The following IGSF21 variants were observed in gnomAD, a reference collection of about 807,000 sequenced individuals.
IGSF21 encodes the protein immunoglobulin superfamily member 21.
Under a neutral mutation model 46.8 loss-of-function variants are expected in IGSF21, and 28 were observed. The observed-to-expected ratio is 0.60, with a 90% CI of 0.44 to 0.82. The LOEUF (loss-of-function observed/expected upper bound fraction) is 0.82, where lower values mean the gene tolerates loss of function less well. Ranked by LOEUF, IGSF21 falls within the 40% of genes least tolerant of loss-of-function variation. The probability of loss-of-function intolerance (pLI) is 0.00; values close to 1 mark genes in which losing one functional copy is unlikely to be tolerated. For missense variants in IGSF21, 624 were observed against 665.5 expected, an observed-to-expected ratio of 0.94 and a Z score of 0.69; for synonymous variants, 284 against 273.6, an observed-to-expected ratio of 1.04 and a Z score of -0.38.
At chr1:18,260,464 G>T (rs75916138) in intron 2 of IGSF21, among the ~76,000 whole-genome samples, 1 of 152,142 alleles carries the variant, frequency 6.6e-6, no homozygotes, top group South Asian at 2.1e-4. Context: ...CGCAGCAGCC[G>T]CTGAGGGAAT....
chr1:18,140,605 C>T (rs1239702404), intron 1 of IGSF21, among the ~76,000 whole-genome samples: 1 of 152,202 alleles, frequency 6.6e-6, no homozygotes, highest in Non-Finnish European at 1.5e-5. Flanking sequence ...GCTTCACAGT[C>T]GCGTGTCTGC....
At chr1:18,110,682 C>T (rs944371160) in intron 1 of IGSF21, 2 of 152,386 alleles carry the variant, frequency 1.3e-5, no homozygotes, top group Non-Finnish European at 2.9e-5. Flanking sequence ...TGGCTCCCCA[C>T]TTCCCAGAAT....
At chr1:18,307,316 G>T (rs1342019673) in intron 3 of IGSF21, among the ~76,000 whole-genome samples, 2 of 152,098 alleles carry the variant, frequency 1.3e-5, no homozygotes, top group African/African-American at 4.8e-5. Flanking sequence ...TGGGAGCGAT[G>T]ATATAGCAAG....
chr1:18,209,362 G>T (rs943046177), intron 1 of IGSF21, among the ~76,000 whole-genome samples: 1 of 152,200 alleles, frequency 6.6e-6, no homozygotes, highest in African/African-American at 2.4e-5. Flanking sequence ...TTCTTGGCCT[G>T]TCTCAATGCC....
chr1:18,233,582 G>T (rs1181782999), intron 2 of IGSF21, among the ~76,000 whole-genome samples: 1 of 152,210 alleles, frequency 6.6e-6, no homozygotes, highest in Non-Finnish European at 1.5e-5. Flanking sequence ...GCAACCAAAA[G>T]ACCCCATTGT....
In IGSF21 at chr1:18,322,513, C is replaced by T. The variant is rs563371502; in HGVS notation, c.306-12379C>T. On this transcript the variant is annotated intron_variant, in intron 3 of 9. Coordinates refer to ENST00000251296, the MANE Select transcript of IGSF21 (RefSeq NM_032880.5). The surrounding 1 kb of genome is among the most constrained non-coding windows in gnomAD (Gnocchi z 4.3). The stretch of plus-strand genomic sequence containing the variant: ...ATAGGAAGGAGGCGGCGAGCTCAGC[C>T]ACGGGCCCAGCCTTCCAAGTTTGCT... Among the ~76,000 whole-genome samples the T allele has an allele frequency of 3.9e-5, 6 of 152,262 alleles. No individual in the cohort carries two copies. The South Asian group carries it at 1.2e-3, about 32-fold the overall frequency.
intron 5 of IGSF21, among the ~76,000 whole-genome samples, chr1:18,363,166 C>A (rs1158936973): frequency 6.6e-6 from 1 of 152,212 alleles, no homozygotes; most frequent in African/African-American, 2.4e-5. Context: ...GGGCTACGTA[C>A]CCTTTCAATT....
intron 1 of IGSF21, among the ~76,000 whole-genome samples, chr1:18,146,803 A>G (rs547586270): frequency 6.6e-6 from 1 of 152,168 alleles, no homozygotes; most frequent in African/African-American, 2.4e-5. Context: ...TTCATGTTCT[A>G]TCTTAATTGA....
intron 1 of IGSF21, among the ~76,000 whole-genome samples, chr1:18,152,404 C>T (rs1204792584): frequency 6.6e-6 from 1 of 152,186 alleles, no homozygotes; most frequent in Non-Finnish European, 1.5e-5. Flanking sequence ...CAGAGCAGAT[C>T]CCTTGAGAAG....
At chr1:18,118,746 G>A (rs1181831824) in intron 1 of IGSF21, among the ~76,000 whole-genome samples, 3 of 152,106 alleles carry the variant, frequency 2.0e-5, no homozygotes, top group Non-Finnish European at 4.4e-5. Flanking sequence ...TTGGGAAGGT[G>A]GGGGGAAGAA....
At chr1:18,377,469 A>C (rs773852502) in intron 9 of IGSF21, 38 bp downstream of exon 9, 6 of 1,575,644 alleles carry the variant, frequency 3.8e-6, no homozygotes, top group Middle Eastern at 1.7e-4. Flanking sequence ...CTTAAAAGGG[A>C]GTGGCTTTTG....
chr1:18,290,687 C>G lies in IGSF21; in HGVS notation c.184-1179C>G, dbSNP rs2085256588. Among the ~76,000 whole-genome samples the G allele has an allele frequency of 6.6e-6, 1 of 152,110 alleles. No individual in the cohort carries two copies. The highest frequency in any genetic ancestry group is 2.4e-5 in the African/African-American group (1 of 41,426). On this transcript the variant is annotated intron_variant, in intron 2 of 9. Coordinates refer to ENST00000251296, the MANE Select transcript of IGSF21 (RefSeq NM_032880.5). This position sits in a 1 kb window ranked among gnomAD's most constrained non-coding sequence, Gnocchi z 4.2. ...TGGGTACATATGTGTCCAGAGGAGCCCAGCTGTGTCTAGGGCCAGTACTCC... is the reference window on the plus strand; with the variant it reads ...TGGGTACATATGTGTCCAGAGGAGCGCAGCTGTGTCTAGGGCCAGTACTCC...
At chr1:18,352,407 C>T (rs563798891) in intron 4 of IGSF21, among the ~76,000 whole-genome samples, 1 of 152,232 alleles carries the variant, frequency 6.6e-6, no homozygotes, top group South Asian at 2.1e-4. Context: ...ACTGCCGGAC[C>T]CCACCCCATC....
chr1:18,209,268 T>G (rs2124489063), intron 1 of IGSF21, among the ~76,000 whole-genome samples: 1 of 152,278 alleles, frequency 6.6e-6, no homozygotes, highest in East Asian at 1.9e-4. Flanking sequence ...GGCATTATGA[T>G]TCCTGCTTAA....
chr1:18,273,920 G>A (rs1438480237), intron 2 of IGSF21, among the ~76,000 whole-genome samples: 1 of 152,124 alleles, frequency 6.6e-6, no homozygotes, highest in Non-Finnish European at 1.5e-5. Context: ...TGGCTGAAAT[G>A]CACCTGGCCT....
intron 4 of IGSF21, among the ~76,000 whole-genome samples, chr1:18,359,264 C>T (rs851741): frequency 0.31 from 41,781 of 133,054 alleles, 7,717 homozygotes; most frequent in African/African-American, 0.43. Context: ...GGTAACAGAG[C>T]GAGACCCTGC....
In IGSF21 at chr1:18,365,094, G is replaced by A. The variant is rs1211855555; in HGVS notation, c.541-129G>A. On this transcript the variant is annotated intron_variant, in intron 5 of 9. Transcript: ENST00000251296. The surrounding 1 kb of genome is among the most constrained non-coding windows in gnomAD (Gnocchi z 4.8). ...GGTGTTGAAGGGAAAAGAGTGGGGT[G>A]AGGGCTACTGTCTAGACTACTATGC... 4 of 692,834 alleles carry A rather than the reference G, an allele frequency of 5.8e-6. No homozygotes were observed. Among genetic ancestry groups the A allele is most frequent in the Non-Finnish European group, 1.0e-5 (4 of 401,634 alleles). 42.9% of individuals were successfully genotyped at this position (692,834 alleles called of 1,614,324 possible).
rs74997596 is a variant in IGSF21 at position 18,222,750 on chromosome 1, G to A, written c.71-5148G>A. Among the ~76,000 whole-genome samples the A allele has an allele frequency of 2.5e-3, 382 of 152,282 alleles. 2 individuals carry two copies. The highest frequency in any genetic ancestry group is 8.4e-3 in the African/African-American group (348 of 41,548). ...GAGGAGATTTTCAGGAAAAGAATCC[G>A]TGCAGGGTATGTGGAAGATGATGGA... On this transcript the variant is annotated intron_variant, in intron 1 of 9. Coordinates refer to ENST00000251296, the MANE Select transcript of IGSF21 (RefSeq NM_032880.5).
intron 4 of IGSF21, among the ~76,000 whole-genome samples, chr1:18,345,622 G>T (rs1234817970): frequency 2.0e-5 from 3 of 152,110 alleles, no homozygotes; most frequent in Non-Finnish European, 4.4e-5. Context: ...GACCTCAGAT[G>T]ATCCAACTAC....
Sources: allele counts gnomAD v4.1 joint callset (sites outside exome capture counted in the v4.1 genomes callset), GRCh38; gene constraint gnomAD v4.1.1; non-coding constraint Gnocchi (gnomAD v3.1); transcripts MANE v1.5; gene names NCBI Gene and HGNC (gene_info 2026-07-23, HGNC 2026-07-21).